GLRA1: variants seen among roughly 807,000 people sequenced by gnomAD.
GLRA1 encodes glycine receptor alpha 1.
In GLRA1, 37 loss-of-function variants were observed where a neutral mutation model predicts 48.3. The observed-to-expected ratio is 0.77, with a 90% confidence interval of 0.59 to 1.01. The LOEUF (loss-of-function observed/expected upper bound fraction) is 1.01. Ranked by LOEUF, GLRA1 falls within the 50% of genes least tolerant of loss-of-function variation. The pLI, the probability that GLRA1 is intolerant of heterozygous loss-of-function variation, is 0.00. For synonymous variants in GLRA1, 196 were observed against 210.7 expected, an observed-to-expected ratio of 0.93 and a Z score of 0.60; for missense variants, 427 against 571.0, an observed-to-expected ratio of 0.75 and a Z score of 2.57.
rs78751895 is a variant in GLRA1 at position 151,912,219 on chromosome 5, C to G, written c.56+12275G>C. On this transcript the variant is annotated intron_variant, in intron 1 of 8. Transcript: ENST00000274576. ...CAATACATTTATTCAAGCACCCTCT[C>G]TCTGGGCATGATGCAGTCTCTTATT... Among the ~76,000 whole-genome samples, 1,181 of 148,898 alleles carry G rather than the reference C, an allele frequency of 7.9e-3. 20 individuals are homozygous for G. The highest frequency in any genetic ancestry group is 0.028 in the African/African-American group (1,111 of 40,342).
chr5:151,849,426 C>A (rs796915530), intron 7 of GLRA1, among the ~76,000 whole-genome samples: 7 of 17,992 alleles, frequency 3.9e-4, no homozygotes, highest in African/African-American at 1.2e-3. Context: ...CTTTCCTTTC[C>A]TTTCCTTTCC....
chr5:151,878,861 C>G (rs1753691561), intron 3 of GLRA1, among the ~76,000 whole-genome samples: 1 of 152,188 alleles, frequency 6.6e-6, no homozygotes, highest in Non-Finnish European at 1.5e-5. Flanking sequence ...GGGGTGGGGC[C>G]CTCATGGAGA....
chr5:151,848,859 G>T, intron 7 of GLRA1: 2 of 599,076 alleles, frequency 3.3e-6, no homozygotes, highest in Non-Finnish European at 6.4e-6. Flanking sequence ...CCGCCCGCCT[G>T]CTCAGCGCCC....
chr5:151,905,615 G>T (rs1321093956), intron 1 of GLRA1, among the ~76,000 whole-genome samples: 1 of 152,086 alleles, frequency 6.6e-6, no homozygotes, highest in African/African-American at 2.4e-5. Flanking sequence ...ATATTTCTGA[G>T]GCAGAAAGGC....
intron 1 of GLRA1, among the ~76,000 whole-genome samples, chr5:151,922,867 C>A (rs1754914234): frequency 6.6e-6 from 1 of 152,218 alleles, no homozygotes; most frequent in African/African-American, 2.4e-5. Context: ...GCTCTTAAAT[C>A]TCTCTGGTTC....
At chr5:151,894,148 T>C (rs577431902) in intron 1 of GLRA1, among the ~76,000 whole-genome samples, 7 of 152,092 alleles carry the variant, frequency 4.6e-5, no homozygotes, top group South Asian at 2.1e-4. Context: ...TATGTGTGTG[T>C]GCGTGTGTGT....
intron 1 of GLRA1, among the ~76,000 whole-genome samples, chr5:151,910,254 T>A (rs558403639): frequency 1.3e-5 from 2 of 152,346 alleles, no homozygotes; most frequent in South Asian, 4.1e-4. Context: ...GCTCTAAGTT[T>A]GGTTGAATGC....
chr5:151,828,263 A>G (rs1346662752), intron 8 of GLRA1, among the ~76,000 whole-genome samples: 1 of 152,166 alleles, frequency 6.6e-6, no homozygotes, highest in Non-Finnish European at 1.5e-5. Flanking sequence ...GGGTGGTTGG[A>G]TCTTCTGGGG....
chr5:151,829,163 A>C, intron 7 of GLRA1, 96 bp from the exon 8 acceptor site: 1 of 1,166,722 alleles, frequency 8.6e-7, no homozygotes. Context: ...GTAATTCCCC[A>C]CATCACCCAC....
At chr5:151,899,855 C>G (rs533942296) in intron 1 of GLRA1, among the ~76,000 whole-genome samples, 25 of 152,256 alleles carry the variant, frequency 1.6e-4, no homozygotes, top group African/African-American at 3.9e-4. Flanking sequence ...CACCCCTCCC[C>G]CTTCCTGTCC....
At chr5:151,895,955 C>T (rs971040271) in intron 1 of GLRA1, among the ~76,000 whole-genome samples, 3 of 152,074 alleles carry the variant, frequency 2.0e-5, no homozygotes, top group Admixed American at 6.5e-5. Flanking sequence ...CTCTCCAGCC[C>T]CTCCTCTCTG....
chr5:151,842,995 A>G (rs2113320382), intron 7 of GLRA1, among the ~76,000 whole-genome samples: 1 of 152,346 alleles, frequency 6.6e-6, no homozygotes, highest in African/African-American at 2.4e-5. Flanking sequence ...TTTATATAGC[A>G]TAAAAGAATA....
intron 1 of GLRA1, among the ~76,000 whole-genome samples, chr5:151,915,435 A>G (rs1754715669): frequency 2.0e-5 from 3 of 152,192 alleles, no homozygotes; most frequent in African/African-American, 7.2e-5. Flanking sequence ...TTGTAGGTAC[A>G]CTGTAATTAT....
chr5:151,901,372 T>C (rs1398480674), intron 1 of GLRA1, among the ~76,000 whole-genome samples: 1 of 152,192 alleles, frequency 6.6e-6, no homozygotes, highest in African/African-American at 2.4e-5. Context: ...GGGCATCAAG[T>C]GGCCCTCAGA....
intron 2 of GLRA1, among the ~76,000 whole-genome samples, chr5:151,888,150 C>G (rs188186449): frequency 2.6e-5 from 4 of 152,216 alleles, no homozygotes; most frequent in Admixed American, 2.6e-4. Context: ...CCAAAGTTTT[C>G]TGATTGTGGA....
Position 151,822,619 on chromosome 5 carries a change from C to A in GLRA1, c.*54G>T. 8.2e-7 allele frequency: 1 copy of A among 1,223,704 alleles called. No homozygotes were observed. The highest frequency in any genetic ancestry group is 1.2e-6 in the Non-Finnish European group (1 of 824,858). The allele number at this position is 1,223,704 out of a possible 1,614,324, so 75.8% of individuals were successfully genotyped here. A position where few individuals can be genotyped will look rare whatever the true frequency, so the allele number is the denominator to read the frequency against. ...CTTCTCTTCCTTAGTCTCTCAGATTCCTGTGCTATTCCCACGTTCCCCTCT... is the reference window on the plus strand; with the variant it reads ...CTTCTCTTCCTTAGTCTCTCAGATTACTGTGCTATTCCCACGTTCCCCTCT... On this transcript the variant is annotated 3_prime_UTR_variant, in exon 9 of 9. Coordinates refer to ENST00000274576, the MANE Select transcript of GLRA1 (RefSeq NM_000171.4).
chr5:151,901,678 G>T (rs1391654610), intron 1 of GLRA1, among the ~76,000 whole-genome samples: 1 of 152,200 alleles, frequency 6.6e-6, no homozygotes. Flanking sequence ...GGTCATTTGA[G>T]TTTGCAAAGG....
chr5:151,907,413 C>G (rs1236503985), intron 1 of GLRA1, among the ~76,000 whole-genome samples: 4 of 152,168 alleles, frequency 2.6e-5, no homozygotes, highest in African/African-American at 9.7e-5. Flanking sequence ...CAGGTACATG[C>G]TAATTTCTGT....
chr5:151,905,221 G>T (rs1754448833), intron 1 of GLRA1, among the ~76,000 whole-genome samples: 1 of 151,876 alleles, frequency 6.6e-6, no homozygotes, highest in Non-Finnish European at 1.5e-5. Flanking sequence ...ATACAATGAG[G>T]TTCAAGGAAA....
Sources: gnomAD v4.1 joint callset for allele counts (sites outside exome capture counted in the v4.1 genomes callset) on GRCh38, gnomAD v4.1.1 for gene constraint, MANE v1.5 for transcripts, NCBI Gene and HGNC (gene_info 2026-07-23, HGNC 2026-07-21) for gene names.